ERP44: variants seen among roughly 807,000 people sequenced by gnomAD.
ERP44 encodes the protein endoplasmic reticulum resident protein 44.
In ERP44, 25 loss-of-function variants were observed where a neutral mutation model predicts 53.4. The observed-to-expected ratio is 0.47, with a 90% CI of 0.34 to 0.65. The LOEUF is 0.65. ERP44 is among the 30% of genes least tolerant of loss of function. ERP44 has a pLI of 0.01. For missense variants in ERP44, 338 were observed against 493.2 expected (o/e 0.69, Z 2.98); for synonymous variants, 145 against 161.2 (o/e 0.90, Z 0.76).
chr9:100,037,478 G>A (rs1825857184), intron 4 of ERP44, among the ~76,000 whole-genome samples: 1 of 152,112 alleles, frequency 6.6e-6, no homozygotes, highest in African/African-American at 2.4e-5. Flanking sequence ...GACATGGCGG[G>A]CAGATATATG....
chr9:100,070,761 T>C (rs939401298), intron 1 of ERP44, among the ~76,000 whole-genome samples: 6 of 152,328 alleles, frequency 3.9e-5, no homozygotes, highest in Middle Eastern at 3.4e-3. Flanking sequence ...GAGGAACATC[T>C]TGTAAAATGA....
At position 100,007,843 on chromosome 9, in the gene ERP44, G is replaced by A. The variant is rs573289311; in HGVS notation, c.763-154C>T. On this transcript the variant is annotated intron_variant, in intron 8 of 11. Transcript: ENST00000262455. ...GGCCCAGTGGTGTGAATAAACATTA[G>A]CCTGAACAGAAGACTGAATTCACTC... Among the ~76,000 whole-genome samples the A allele has an allele frequency of 2.6e-5, 4 of 152,292 alleles. No individual in the cohort carries two copies. The South Asian group carries it at 8.3e-4, about 32-fold the overall frequency.
chr9:100,073,132 T>A (rs1826323173), intron 1 of ERP44, among the ~76,000 whole-genome samples: 1 of 152,180 alleles, frequency 6.6e-6, no homozygotes, highest in Non-Finnish European at 1.5e-5. Context: ...GGCAGATGAT[T>A]TAAAAATAAG....
Position 100,068,009 on chromosome 9 carries a change from G to A in ERP44, c.58-7837C>T, listed in dbSNP as rs34464922. Reference sequence around the variant, plus strand: ...GGGGTCAGCCCCCGCCAGGCCAGCCGCCCCGTCCGGGAGGGAGGTGGGGGG... The same window carrying A: ...GGGGTCAGCCCCCGCCAGGCCAGCCACCCCGTCCGGGAGGGAGGTGGGGGG... On this transcript the variant is annotated intron_variant, in intron 1 of 11. Coordinates refer to ENST00000262455, the MANE Select transcript of ERP44 (RefSeq NM_015051.3). Among the ~76,000 whole-genome samples the A allele has an allele frequency of 9.4e-3, 1,414 of 150,262 alleles. 13 individuals are homozygous for A. Among genetic ancestry groups the A allele is most frequent in the Non-Finnish European group, 0.011 (749 of 67,366 alleles).
At chr9:100,020,266 A>G (rs558103750) in intron 6 of ERP44, among the ~76,000 whole-genome samples, 9 of 152,328 alleles carry the variant, frequency 5.9e-5, no homozygotes, top group Non-Finnish European at 2.9e-5. Context: ...ATGCTTCTTA[A>G]CAAGAAAGAC....
intron 11 of ERP44, among the ~76,000 whole-genome samples, chr9:99,984,402 A>G (rs1473082502): frequency 6.6e-6 from 1 of 152,152 alleles, no homozygotes; most frequent in African/African-American, 2.4e-5. Context: ...GGAAACAGTA[A>G]AATTCTCAGG....
intron 10 of ERP44, chr9:99,998,984 C>G (rs933269229): frequency 3.0e-6 from 4 of 1,344,284 alleles, no homozygotes; most frequent in East Asian, 2.3e-5. Flanking sequence ...CTCAGGTCGG[C>G]GGCAAAGAAC....
chr9:100,078,600 C>T (rs565008612), intron 1 of ERP44, among the ~76,000 whole-genome samples: 64 of 151,732 alleles, frequency 4.2e-4, no homozygotes, highest in African/African-American at 1.4e-3. Context: ...ACTAAAAATA[C>T]AAAAATTAGC....
chr9:100,078,110 A>C (rs1297982730), intron 1 of ERP44, among the ~76,000 whole-genome samples: 1 of 152,208 alleles, frequency 6.6e-6, no homozygotes, highest in Non-Finnish European at 1.5e-5. Flanking sequence ...TGTCATGAGT[A>C]TTTCCTCCTT....
intron 1 of ERP44, among the ~76,000 whole-genome samples, chr9:100,090,265 C>G (rs1826536983): frequency 6.6e-6 from 1 of 152,168 alleles, no homozygotes; most frequent in South Asian, 2.1e-4. Context: ...TTTTACTGTA[C>G]TTGGGCCAGA....
intron 4 of ERP44, among the ~76,000 whole-genome samples, chr9:100,043,736 C>G (rs913101167): frequency 6.6e-6 from 1 of 151,054 alleles, no homozygotes; most frequent in Non-Finnish European, 1.5e-5. Flanking sequence ...GCCTGGGAGA[C>G]AGAGCAAGAC....
At chr9:100,059,643 A>T (rs1348494723) in intron 2 of ERP44, among the ~76,000 whole-genome samples, 1 of 152,136 alleles carries the variant, frequency 6.6e-6, no homozygotes, top group South Asian at 2.1e-4. Flanking sequence ...GTGAGCTATA[A>T]TATTATCATG....
intron 11 of ERP44, among the ~76,000 whole-genome samples, chr9:99,984,005 T>C (rs1308151536): frequency 6.6e-6 from 1 of 152,152 alleles, no homozygotes; most frequent in East Asian, 1.9e-4. Context: ...ATGCAGGCCT[T>C]CTTTTCTGAG....
intron 2 of ERP44, among the ~76,000 whole-genome samples, chr9:100,058,371 G>A (rs769819241): frequency 2.0e-5 from 3 of 151,962 alleles, no homozygotes; most frequent in African/African-American, 4.8e-5. Flanking sequence ...CCATCACACC[G>A]GGCTTCCTTC....
chr9:100,077,246 C>T (rs1224045947), intron 1 of ERP44, among the ~76,000 whole-genome samples: 1 of 152,180 alleles, frequency 6.6e-6, no homozygotes, highest in Non-Finnish European at 1.5e-5. Context: ...CACAGCATTG[C>T]CTCTGACAAA....
intron 10 of ERP44, among the ~76,000 whole-genome samples, chr9:99,987,476 T>G (rs1292833224): frequency 6.6e-6 from 1 of 152,242 alleles, no homozygotes; most frequent in Admixed American, 6.5e-5. Flanking sequence ...AATTTTGACA[T>G]AGTGAAATGC....
rs768318381 is a variant in ERP44 at position 100,022,237 on chromosome 9, G to GA, written c.287-12dup. 5.0e-6 allele frequency: 8 copies of GA among 1,593,580 alleles called. No homozygotes were observed. Among genetic ancestry groups the GA allele is most frequent in the Admixed American group, 3.6e-5 (2 of 55,438 alleles). On this transcript the variant is annotated splice_polypyrimidine_tract_variant and intron_variant, in intron 4 of 11. Transcript: ENST00000262455. Reference sequence around the variant, plus strand: ...TCTGGGCTATGTCAGCTAAAAGAATGAAAAAAAATTATTTACCCTCATATG... The same window carrying GA: ...TCTGGGCTATGTCAGCTAAAAGAATGAAAAAAAAATTATTTACCCTCATATG...
At chr9:100,087,375 G>A (rs912043526) in intron 1 of ERP44, among the ~76,000 whole-genome samples, 1 of 152,214 alleles carries the variant, frequency 6.6e-6, no homozygotes, top group South Asian at 2.1e-4. Context: ...AGCTGGTCAA[G>A]TGAACTCATT....
intron 10 of ERP44, 29 bp from the exon 11 acceptor site, chr9:99,985,098 C>T: frequency 6.9e-7 from 1 of 1,441,596 alleles, no homozygotes; most frequent in Non-Finnish European, 9.7e-7. Context: ...AAAATGTAAA[C>T]TGTTAAAATG....
Sources: allele counts gnomAD v4.1 joint callset (sites outside exome capture counted in the v4.1 genomes callset), GRCh38; gene constraint gnomAD v4.1.1; transcripts MANE v1.5; gene names NCBI Gene and HGNC (gene_info 2026-07-23, HGNC 2026-07-21).